BICRAL: variants seen among roughly 807,000 people sequenced by gnomAD.
BICRAL encodes BRD4-interacting chromatin-remodeling complex-associated protein-like.
A neutral mutation model predicts 91.8 loss-of-function variants in BICRAL; 8 were observed. The ratio of observed to expected loss-of-function variants is 0.09; its 90% CI spans 0.05 to 0.16. The LOEUF is 0.16. BICRAL is among the 10% of genes least tolerant of loss of function. BICRAL has a pLI of 1.00. For synonymous variants in BICRAL, 445 were observed against 491.1 expected (o/e 0.91, Z 1.24); for missense variants, 1,038 against 1,310.9 (o/e 0.79, Z 3.21).
intron 1 of BICRAL, among the ~76,000 whole-genome samples, chr6:42,782,345 G>T (rs1350311638): frequency 2.1e-5 from 3 of 143,986 alleles, no homozygotes; most frequent in Admixed American, 2.0e-4. Flanking sequence ...TTTTTTTTTG[G>T]GGGGGGGTGG....
intron 2 of BICRAL, among the ~76,000 whole-genome samples, chr6:42,813,588 C>G (rs999576689): frequency 2.8e-4 from 42 of 152,138 alleles, no homozygotes; most frequent in Non-Finnish European, 5.6e-4. Flanking sequence ...CACACAATCA[C>G]GGCTCACTGC....
chr6:42,844,674 G>C (rs1327695374), intron 6 of BICRAL, among the ~76,000 whole-genome samples: 4 of 152,086 alleles, frequency 2.6e-5, no homozygotes, highest in Non-Finnish European at 5.9e-5. Flanking sequence ...GGAATGGTAG[G>C]TGCAGAAGCC....
At chr6:42,806,853 A>C (rs150774311) in intron 1 of BICRAL, among the ~76,000 whole-genome samples, 3 of 151,530 alleles carry the variant, frequency 2.0e-5, no homozygotes, top group Non-Finnish European at 4.4e-5. Flanking sequence ...TTTTTGAGAC[A>C]GAGTTTTGCT....
At chr6:42,820,022 G>T (rs1368709262) in intron 2 of BICRAL, among the ~76,000 whole-genome samples, 1 of 152,162 alleles carries the variant, frequency 6.6e-6, no homozygotes, top group African/African-American at 2.4e-5. Flanking sequence ...TGTTCTGTTT[G>T]CACTACTCAA....
intron 6 of BICRAL, among the ~76,000 whole-genome samples, chr6:42,834,657 G>A (rs1490302862): frequency 6.6e-6 from 1 of 151,848 alleles, no homozygotes; most frequent in African/African-American, 2.4e-5. Context: ...AAAATATATT[G>A]TATAAAATAA....
At chr6:42,836,908 CTG>C (rs1298691885) in intron 6 of BICRAL, among the ~76,000 whole-genome samples, 2 of 150,912 alleles carry the variant, frequency 1.3e-5, no homozygotes, top group African/African-American at 2.4e-5. Flanking sequence ...GTGTGAGACA[CTG>C]TGCCTGGTCC....
intron 10 of BICRAL, among the ~76,000 whole-genome samples, chr6:42,859,468 AACAG>A (rs751534746): frequency 6.6e-6 from 1 of 152,036 alleles, no homozygotes. Flanking sequence ...CTTGGAGACC[AACAG>A]ACAGAGGACA....
intron 1 of BICRAL, among the ~76,000 whole-genome samples, chr6:42,804,126 G>T (rs1191090978): frequency 6.6e-6 from 1 of 152,160 alleles, no homozygotes; most frequent in East Asian, 1.9e-4. Context: ...GGGTTCAAGC[G>T]ATTCTCCTGC....
chr6:42,845,632 C>T (rs1312732704), intron 6 of BICRAL, among the ~76,000 whole-genome samples: 1 of 152,040 alleles, frequency 6.6e-6, no homozygotes, highest in African/African-American at 2.4e-5. Flanking sequence ...TGTTCTCCCT[C>T]CTTGTTCTCC....
At chr6:42,792,951 T>C (rs555005585) in intron 1 of BICRAL, among the ~76,000 whole-genome samples, 25 of 149,560 alleles carry the variant, frequency 1.7e-4, no homozygotes, top group Non-Finnish European at 3.1e-4. Context: ...ATTGGCTGGC[T>C]GGTTTATTTT....
At chr6:42,824,602 C>A (rs115442614) in intron 5 of BICRAL, among the ~76,000 whole-genome samples, 2 of 152,172 alleles carry the variant, frequency 1.3e-5, no homozygotes, top group Non-Finnish European at 2.9e-5. Context: ...CCATTACAGG[C>A]GTGAGCCACT....
chr6:42,803,336 G>T (rs1763626869), intron 1 of BICRAL, among the ~76,000 whole-genome samples: 1 of 152,150 alleles, frequency 6.6e-6, no homozygotes, highest in Admixed American at 6.6e-5. Context: ...TGTCTGATTT[G>T]GAGCAGATGT....
intron 1 of BICRAL, among the ~76,000 whole-genome samples, chr6:42,767,273 T>C (rs1232096762): frequency 6.6e-6 from 1 of 152,146 alleles, no homozygotes; most frequent in African/African-American, 2.4e-5. Context: ...TTCCAGTGCT[T>C]TTTTTTGTTT....
intron 10 of BICRAL, among the ~76,000 whole-genome samples, chr6:42,857,600 T>TA (rs748078737): frequency 0.011 from 1,146 of 101,284 alleles, 19 homozygotes; most frequent in Middle Eastern, 0.027. Flanking sequence ...CACTGTCTCT[T>TA]AAAAAAAAAA....
chr6:42,852,462 G>A (rs905101102), intron 7 of BICRAL: 5 of 564,734 alleles, frequency 8.9e-6, no homozygotes, highest in Non-Finnish European at 1.7e-5. Flanking sequence ...AGGAGTTCAA[G>A]ACCAGCCCGA....
At chr6:42,764,897 GATC>G (rs1316527888) in intron 1 of BICRAL, among the ~76,000 whole-genome samples, 2 of 152,184 alleles carry the variant, frequency 1.3e-5, no homozygotes, top group Non-Finnish European at 2.9e-5. Flanking sequence ...CTGACCTTGT[GATC>G]CACCCGCCTC....
chr6:42,808,462 A>G (rs1469966380), intron 1 of BICRAL, among the ~76,000 whole-genome samples: 2 of 152,146 alleles, frequency 1.3e-5, no homozygotes, highest in African/African-American at 2.4e-5. Flanking sequence ...CCCTATATGT[A>G]TACCTATTCT....
At chr6:42,764,251 A>AAAC (rs1762601151) in intron 1 of BICRAL, among the ~76,000 whole-genome samples, 1 of 146,636 alleles carries the variant, frequency 6.8e-6, no homozygotes, top group African/African-American at 2.6e-5. Flanking sequence ...CCGAAAAAAA[A>AAAC]AAAACAAAAA....
At chr6:42,845,195 G>GTTTTTTTTTT (rs748804344) in intron 6 of BICRAL, among the ~76,000 whole-genome samples, 6 of 25,610 alleles carry the variant, frequency 2.3e-4, no homozygotes, top group Non-Finnish European at 4.2e-4. Context: ...TTTTTTGGGT[G>GTTTTTTTTTT]TTTTTTTTTT....
Sources: allele counts gnomAD v4.1 joint callset (sites outside exome capture counted in the v4.1 genomes callset), GRCh38; gene constraint gnomAD v4.1.1; transcripts MANE v1.5; gene names NCBI Gene and HGNC (gene_info 2026-07-23, HGNC 2026-07-21).